The following DISC1 variants were observed in gnomAD, a reference collection of about 807,000 sequenced individuals.
DISC1 encodes DISC1 scaffold protein.
Under a neutral mutation model 84.5 loss-of-function variants are expected in DISC1, and 57 were observed. That is an observed-to-expected ratio of 0.67 (90% CI 0.55 to 0.84). The LOEUF is 0.84. DISC1 is among the 40% of genes least tolerant of loss of function. The pLI, the probability that DISC1 is intolerant of heterozygous loss-of-function variation, is 0.00. For missense variants in DISC1, 1,000 were observed against 1,057.8 expected (o/e 0.95, Z 0.76); for synonymous variants, 411 against 415.2 (o/e 0.99, Z 0.12).
chr1:231,764,697 GC>G (rs2076028263), intron 4 of DISC1, among the ~76,000 whole-genome samples: 1 of 152,104 alleles, frequency 6.6e-6, no homozygotes, highest in Non-Finnish European at 1.5e-5. Context: ...GATTTTTGTA[GC>G]CGATCTTTGT....
intron 10 of DISC1, among the ~76,000 whole-genome samples, chr1:232,000,296 A>C (rs1666517295): frequency 6.6e-6 from 1 of 152,242 alleles, no homozygotes; most frequent in Non-Finnish European, 1.5e-5. Context: ...CTAAAAATAC[A>C]AAAACAGAAA....
intron 8 of DISC1, among the ~76,000 whole-genome samples, chr1:231,801,859 C>A (rs1412128530): frequency 1.3e-5 from 2 of 150,950 alleles, no homozygotes; most frequent in Non-Finnish European, 2.9e-5. Context: ...CGTTCAGTCG[C>A]CCAGGCTAGA....
Position 231,687,583 on chromosome 1 carries a change from G to A in DISC1, c.68-6243G>A, listed in dbSNP as rs1044875734. Among the ~76,000 whole-genome samples, 15 of 152,238 alleles carry A rather than the reference G, an allele frequency of 9.9e-5. No homozygotes were observed. The South Asian group carries it at 1.5e-3, about 15-fold the overall frequency. On this transcript the variant is annotated intron_variant, in intron 1 of 12. Transcript: ENST00000439617. The stretch of plus-strand genomic sequence containing the variant: ...ATTTGGGTGGGGACACAGCCAAACC[G>A]TATAAGATTTGTATTATTTTTATAT...
At chr1:231,702,496 G>A (rs2066543514) in intron 3 of DISC1, 1 of 986,840 alleles carries the variant, frequency 1.0e-6, no homozygotes, top group Non-Finnish European at 1.2e-6. Flanking sequence ...GATAGGAAAT[G>A]AGGTGAATTT....
intron 7 of DISC1, 106 bp from the exon 8 acceptor site, chr1:231,800,002 C>T: frequency 1.4e-6 from 1 of 724,040 alleles, no homozygotes; most frequent in Non-Finnish European, 2.4e-6. Context: ...TTTTCATCAC[C>T]CCTTTTAATT....
At chr1:232,016,641 A>T (rs937099092) in intron 11 of DISC1, among the ~76,000 whole-genome samples, 2 of 152,234 alleles carry the variant, frequency 1.3e-5, no homozygotes, top group African/African-American at 4.8e-5. Flanking sequence ...CAGGCCAATT[A>T]ACATATGCCA....
At chr1:231,987,934 A>T (rs1051572459) in intron 10 of DISC1, among the ~76,000 whole-genome samples, 22 of 152,200 alleles carry the variant, frequency 1.4e-4, no homozygotes, top group Admixed American at 1.4e-3. Context: ...TACACCTGTA[A>T]TCCCAGCACT....
chr1:231,775,688 A>T (rs2076914303), intron 6 of DISC1, among the ~76,000 whole-genome samples: 1 of 152,196 alleles, frequency 6.6e-6, no homozygotes, highest in African/African-American at 2.4e-5. Flanking sequence ...GCATGAAAGG[A>T]CAGGAACCAC....
chr1:231,842,092 T>C (rs913754155), intron 9 of DISC1, among the ~76,000 whole-genome samples: 3 of 152,070 alleles, frequency 2.0e-5, no homozygotes, highest in African/African-American at 4.8e-5. Flanking sequence ...CTCACACTAC[T>C]GGGCTTTGAT....
chr1:231,991,739 A>G (rs1376384412), intron 10 of DISC1, among the ~76,000 whole-genome samples: 4 of 152,210 alleles, frequency 2.6e-5, no homozygotes, highest in Admixed American at 2.6e-4. Context: ...GAACATCAAC[A>G]AAAACACAAC....
At chr1:231,805,731 C>T (rs143894439) in intron 8 of DISC1, among the ~76,000 whole-genome samples, 1 of 152,016 alleles carries the variant, frequency 6.6e-6, no homozygotes, top group East Asian at 1.9e-4. Flanking sequence ...CCACCGGGCC[C>T]CACCTCCAGC....
chr1:232,019,676 A>T (rs1218991701), intron 11 of DISC1, among the ~76,000 whole-genome samples: 1 of 152,180 alleles, frequency 6.6e-6, no homozygotes, highest in African/African-American at 2.4e-5. Context: ...GAATATGTTT[A>T]TTTGGAATCC....
At chr1:232,001,600 G>T (rs967757218) in intron 10 of DISC1, among the ~76,000 whole-genome samples, 1 of 152,172 alleles carries the variant, frequency 6.6e-6, no homozygotes, top group Non-Finnish European at 1.5e-5. Context: ...ATGCTCAAAT[G>T]ATTTTTGGCG....
At chr1:231,892,268 A>G (rs1459677502) in intron 9 of DISC1, among the ~76,000 whole-genome samples, 1 of 152,248 alleles carries the variant, frequency 6.6e-6, no homozygotes, top group African/African-American at 2.4e-5. Context: ...GATTGATTCT[A>G]TTGGGAATGA....
At chr1:231,799,446 G>C (rs769268634) in intron 7 of DISC1, among the ~76,000 whole-genome samples, 5 of 152,120 alleles carry the variant, frequency 3.3e-5, no homozygotes, top group Non-Finnish European at 5.9e-5. Context: ...CCGGCAGAGA[G>C]ACAATGTGGA....
At chr1:232,001,734 C>T (rs541601060) in intron 10 of DISC1, among the ~76,000 whole-genome samples, 1 of 151,966 alleles carries the variant, frequency 6.6e-6, no homozygotes, top group African/African-American at 2.4e-5. Flanking sequence ...CAAAAATTAA[C>T]TTAAAATGGA....
intron 3 of DISC1, among the ~76,000 whole-genome samples, chr1:231,732,930 G>A (rs1343140361): frequency 6.6e-6 from 1 of 152,120 alleles, no homozygotes; most frequent in African/African-American, 2.4e-5. Flanking sequence ...GGCAGTGGTG[G>A]TAGTGGTGAT....
intron 1 of DISC1, among the ~76,000 whole-genome samples, chr1:231,655,004 G>C (rs774487361): frequency 2.6e-5 from 4 of 152,118 alleles, no homozygotes; most frequent in Non-Finnish European, 5.9e-5. Context: ...TCAGACTTTA[G>C]AAGCAGTCAT....
intron 1 of DISC1, among the ~76,000 whole-genome samples, chr1:231,693,084 C>T (rs540725627): frequency 9.8e-4 from 150 of 152,330 alleles, no homozygotes; most frequent in Non-Finnish European, 1.6e-3. Context: ...GATGGGGAAA[C>T]TGAGGCACAG....
Sources: allele counts gnomAD v4.1 joint callset (sites outside exome capture counted in the v4.1 genomes callset), GRCh38; gene constraint gnomAD v4.1.1; transcripts MANE v1.5; gene names NCBI Gene and HGNC (gene_info 2026-07-23, HGNC 2026-07-21).